MRPL35: variants seen among roughly 807,000 people sequenced by gnomAD.
The protein encoded by MRPL35 is large ribosomal subunit protein bL35m.
In MRPL35, 18 loss-of-function variants were observed where a neutral mutation model predicts 21.6. The observed-to-expected ratio is 0.83, with a 90% CI of 0.58 to 1.24. The LOEUF is 1.24. Ranked by LOEUF, MRPL35 falls within the 50% of genes most tolerant of loss-of-function variation. The pLI is 0.00. For synonymous variants in MRPL35, 87 were observed against 86.9 expected (o/e 1.00, Z -0.01); for missense variants, 223 against 223.2 (o/e 1.00, Z 0.01).
intron 1 of MRPL35, 132 bp from the exon 2 acceptor site, chr2:86,205,974 C>A: frequency 1.3e-6 from 1 of 780,258 alleles, no homozygotes; most frequent in Non-Finnish European, 2.1e-6. Context: ...GTGGTAAAAG[C>A]TTCACAGATG....
chr2:86,204,581 T>C (rs926300431), intron 1 of MRPL35, among the ~76,000 whole-genome samples: 4 of 152,104 alleles, frequency 2.6e-5, no homozygotes, highest in African/African-American at 9.7e-5. Flanking sequence ...CCACGAGTGA[T>C]TCCGATTTGC....
At chr2:86,209,136 G>A (rs1158504921) in intron 3 of MRPL35, among the ~76,000 whole-genome samples, 1 of 152,220 alleles carries the variant, frequency 6.6e-6, no homozygotes, top group African/African-American at 2.4e-5. Context: ...CAAATGTGGA[G>A]ATTTGGCTTT....
At chr2:86,207,436 C>G in intron 3 of MRPL35, 109 bp downstream of exon 3, 1 of 1,263,950 alleles carries the variant, frequency 7.9e-7, no homozygotes, top group Non-Finnish European at 1.1e-6. Flanking sequence ...GTCAGGAGTT[C>G]AAGACCAGCT....
intron 1 of MRPL35, among the ~76,000 whole-genome samples, chr2:86,204,277 C>A (rs1415649129): frequency 1.3e-5 from 2 of 152,102 alleles, no homozygotes; most frequent in Non-Finnish European, 2.9e-5. Context: ...AGCCACCATG[C>A]CTGGCTGGAG....
In MRPL35 at chr2:86,211,614, A is replaced by G. The variant is rs1378067271; in HGVS notation, c.*946A>G. Reference sequence around the variant, plus strand: ...CCTTCAGCATGCTCATTCATGAAACAGAAGAGGCTGTACAAGTGAAGACAA... The same window carrying G: ...CCTTCAGCATGCTCATTCATGAAACGGAAGAGGCTGTACAAGTGAAGACAA... On this transcript the variant is annotated 3_prime_UTR_variant, in exon 4 of 4. Coordinates refer to ENST00000337109, the MANE Select transcript of MRPL35 (RefSeq NM_016622.4). 1 of 985,360 alleles carries G rather than the reference A, an allele frequency of 1.0e-6. No homozygotes were observed. Among genetic ancestry groups the G allele is most frequent in the African/African-American group, 1.7e-5 (1 of 57,250 alleles). 61.0% of individuals were successfully genotyped at this position (985,360 alleles called of 1,614,324 possible).
rs1160550179 is a variant in MRPL35 at position 86,212,305 on chromosome 2, T to C, written c.*1637T>C. On this transcript the variant is annotated 3_prime_UTR_variant, in exon 4 of 4. Coordinates refer to ENST00000337109, the MANE Select transcript of MRPL35 (RefSeq NM_016622.4). ...AATGTTCTAAAACCAGAAGTCCAAG[T>C]GCGTGTCTACTTATGGGACCAATAA... The C allele has an allele frequency of 2.1e-5, 33 of 1,555,604 alleles. No individual in the cohort carries two copies. Among genetic ancestry groups the C allele is most frequent in the Non-Finnish European group, 2.7e-5 (31 of 1,150,446 alleles).
chr2:86,204,438 CT>C (rs34093603), intron 1 of MRPL35, among the ~76,000 whole-genome samples: 58,472 of 132,400 alleles, frequency 0.44, 13,040 homozygotes, highest in Non-Finnish European at 0.53. Flanking sequence ...TTTTTTTAGT[CT>C]TGTATTAGTG....
chr2:86,213,185 C>G lies in MRPL35; in HGVS notation c.*2517C>G. ...AATTCATATCTAAATCAACAAGTGA[C>G]TGTAATCTGGTACTATAAATACTAA... On this transcript the variant is annotated 3_prime_UTR_variant, in exon 4 of 4. Coordinates refer to ENST00000337109, the MANE Select transcript of MRPL35 (RefSeq NM_016622.4). 2.0e-6 allele frequency: 2 copies of G among 988,914 alleles called. No homozygotes were observed. The highest frequency in any genetic ancestry group is 2.4e-6 in the Non-Finnish European group (2 of 832,068). The allele number at this position is 988,914 out of a possible 1,614,324, so 61.3% of individuals were successfully genotyped here. A position where few individuals can be genotyped will look rare whatever the true frequency, so the allele number is the denominator to read the frequency against.
Position 86,212,596 on chromosome 2 carries a change from G to A in MRPL35, c.*1928G>A, listed in dbSNP as rs1449135759. ...TTTATTGCAAATATGGATGACAAGGGTCTCTGTTACAGGGGCCTCAGAGCA... is the reference window on the plus strand; with the variant it reads ...TTTATTGCAAATATGGATGACAAGGATCTCTGTTACAGGGGCCTCAGAGCA... On this transcript the variant is annotated 3_prime_UTR_variant, in exon 4 of 4. Coordinates refer to ENST00000337109, the MANE Select transcript of MRPL35 (RefSeq NM_016622.4). 5 of 1,455,352 alleles carry A rather than the reference G, an allele frequency of 3.4e-6. No homozygotes were observed. The highest frequency in any genetic ancestry group is 1.4e-5 in the African/African-American group (1 of 70,064). 90.2% of individuals were successfully genotyped at this position (1,455,352 alleles called of 1,614,324 possible).
chr2:86,212,134 TGTG>T lies in MRPL35; in HGVS notation c.*1469_*1471del. ...TGAATTACTGTTTCAGATCCTTTAA[TGTG>T]GTAGTTGGTAATAATAAGATGAAAT... On this transcript the variant is annotated 3_prime_UTR_variant, in exon 4 of 4. Coordinates refer to ENST00000337109, the MANE Select transcript of MRPL35 (RefSeq NM_016622.4). 4 of 1,244,158 alleles carry T rather than the reference TGTG, an allele frequency of 3.2e-6. No individual in the cohort carries two copies. Among genetic ancestry groups the T allele is most frequent in the Non-Finnish European group, 4.0e-6 (4 of 990,390 alleles). The allele number at this position is 1,244,158 out of a possible 1,614,324, so 77.1% of individuals were successfully genotyped here. A position where few individuals can be genotyped will look rare whatever the true frequency, so the allele number is the denominator to read the frequency against.
chr2:86,205,150 A>G (rs1673765520), intron 1 of MRPL35, among the ~76,000 whole-genome samples: 1 of 152,184 alleles, frequency 6.6e-6, no homozygotes, highest in South Asian at 2.1e-4. Flanking sequence ...GATTGAGCCC[A>G]GGAGGTCAAG....
At chr2:86,204,605 T>TTGC (rs1673756651) in intron 1 of MRPL35, among the ~76,000 whole-genome samples, 1 of 152,160 alleles carries the variant, frequency 6.6e-6, no homozygotes, top group African/African-American at 2.4e-5. Context: ...CATGAACTAT[T>TTGC]AGTCTGGCCA....
intron 1 of MRPL35, among the ~76,000 whole-genome samples, chr2:86,204,911 A>G (rs1451951123): frequency 6.6e-6 from 1 of 152,262 alleles, no homozygotes; most frequent in Non-Finnish European, 1.5e-5. Context: ...ACTGTTGGCC[A>G]GAAGCCTTAC....
rs553410910 is a variant in MRPL35 at position 86,213,754 on chromosome 2, G to A, written c.*3086G>A. The A allele has an allele frequency of 8.6e-6, 12 of 1,403,302 alleles. No individual in the cohort carries two copies. In the East Asian group the frequency reaches 3.0e-4, roughly 35 times the overall value. 86.9% of individuals were successfully genotyped at this position (1,403,302 alleles called of 1,614,324 possible). On this transcript the variant is annotated 3_prime_UTR_variant, in exon 4 of 4. Coordinates refer to ENST00000337109, the MANE Select transcript of MRPL35 (RefSeq NM_016622.4). The stretch of plus-strand genomic sequence containing the variant: ...TCACAGCTACCTAGTTTCTGCCGAT[G>A]ATTTTTTTAAATGTGAAATAAACAG...
intron 2 of MRPL35, 94 bp from the exon 3 acceptor site, chr2:86,207,089 T>G: frequency 7.9e-7 from 1 of 1,260,386 alleles, no homozygotes; most frequent in South Asian, 1.4e-5. Flanking sequence ...TCCAGTCCAT[T>G]GGAGCAGCTT....
In MRPL35 at chr2:86,210,967, A is replaced by G; in HGVS notation, c.*299A>G. On this transcript the variant is annotated 3_prime_UTR_variant, in exon 4 of 4. Transcript: ENST00000337109. ...TCTCAAGTGGGACAAACATAAAAAG[A>G]CTCAAAAGCTACAAGTTAGCTCAAG... The G allele has an allele frequency of 9.7e-7, 1 of 1,030,380 alleles. No individual in the cohort carries two copies. The highest frequency in any genetic ancestry group is 4.4e-5 in the South Asian group (1 of 22,636). 63.8% of individuals were successfully genotyped at this position (1,030,380 alleles called of 1,614,324 possible).
Position 86,211,258 on chromosome 2 carries a change from T to C in MRPL35, c.*590T>C, listed in dbSNP as rs1328364144. On this transcript the variant is annotated 3_prime_UTR_variant, in exon 4 of 4. Coordinates refer to ENST00000337109, the MANE Select transcript of MRPL35 (RefSeq NM_016622.4). ...AGTTTCTGTTCCTTTGTAATAACTT[T>C]AACTTGCACCTTTGAGGTTCTTTTC... 4.4e-6 allele frequency: 4 copies of C among 911,184 alleles called. No homozygotes were observed. Among genetic ancestry groups the C allele is most frequent in the African/African-American group, 1.8e-5 (1 of 55,546 alleles). The allele number at this position is 911,184 out of a possible 1,614,324, so 56.4% of individuals were successfully genotyped here. A position where few individuals can be genotyped will look rare whatever the true frequency, so the allele number is the denominator to read the frequency against.
In MRPL35 at chr2:86,212,428, G is replaced by A. The variant is rs756306587; in HGVS notation, c.*1760G>A. Reference sequence around the variant, plus strand: ...TTTCATTTCTTCGCACTTCTGAGACGGCAAAGCCAACCACTTAGAAGCCTT... The same window carrying A: ...TTTCATTTCTTCGCACTTCTGAGACAGCAAAGCCAACCACTTAGAAGCCTT... On this transcript the variant is annotated 3_prime_UTR_variant, in exon 4 of 4. Transcript: ENST00000337109. 7.4e-5 allele frequency: 119 copies of A among 1,613,662 alleles called. No individual in the cohort carries two copies. The highest frequency in any genetic ancestry group is 2.9e-4 in the South Asian group (26 of 91,020).
chr2:86,201,015 G>C (rs148375691), intron 1 of MRPL35, among the ~76,000 whole-genome samples: 26 of 152,158 alleles, frequency 1.7e-4, no homozygotes, highest in African/African-American at 6.0e-4. Flanking sequence ...TTCCAGTTTG[G>C]GGCAATTATG....
Sources: gnomAD v4.1 joint callset for allele counts (sites outside exome capture counted in the v4.1 genomes callset) on GRCh38, gnomAD v4.1.1 for gene constraint, MANE v1.5 for transcripts, NCBI Gene and HGNC (gene_info 2026-07-23, HGNC 2026-07-21) for gene names.